Variants in DRC8 observed in about 807,000 individuals in gnomAD.
The protein encoded by DRC8 is dynein regulatory complex protein 8.
the DRC8 span, among the ~76,000 whole-genome samples, chr1:245,094,591 C>T: frequency 2.6e-5 from 4 of 152,168 alleles, no homozygotes; most frequent in Admixed American, 2.6e-4. Context: ...AACTCTAACA[C>T]AGAACATAAA....
the DRC8 span, among the ~76,000 whole-genome samples, chr1:245,000,659 TAGTC>T: frequency 2.6e-5 from 4 of 152,048 alleles, no homozygotes; most frequent in Non-Finnish European, 5.9e-5. Flanking sequence ...CAGGTGTCTA[TAGTC>T]CCAGCTACTC....
At chr1:245,076,687 C>G in the DRC8 span, among the ~76,000 whole-genome samples, 1 of 151,782 alleles carries the variant, frequency 6.6e-6, no homozygotes, top group Non-Finnish European at 1.5e-5. Context: ...CCAATTGCAC[C>G]ATTTTTTCTG....
At chr1:244,989,146 C>T in the DRC8 span, among the ~76,000 whole-genome samples, 3,314 of 152,162 alleles carry the variant, frequency 0.022, 138 homozygotes, top group African/African-American at 0.076. Context: ...CCAGGCTGGT[C>T]TTGAATTCCT....
At chr1:245,049,522 T>C in the DRC8 span, among the ~76,000 whole-genome samples, 1 of 152,324 alleles carries the variant, frequency 6.6e-6, no homozygotes, top group Non-Finnish European at 1.5e-5. This position sits in a 1 kb window ranked among gnomAD's most constrained non-coding sequence, Gnocchi z 4.5. Flanking sequence ...ACAGAGTTCA[T>C]ACTGTACTCA....
the DRC8 span, among the ~76,000 whole-genome samples, chr1:245,103,651 C>A: frequency 6.7e-6 from 1 of 148,480 alleles, no homozygotes; most frequent in Non-Finnish European, 1.5e-5. Context: ...ACCAGAGAGG[C>A]CAAGCATTGT....
the DRC8 span, among the ~76,000 whole-genome samples, chr1:244,972,862 C>T: frequency 1.3e-5 from 2 of 151,742 alleles, no homozygotes; most frequent in Non-Finnish European, 2.9e-5. Context: ...GAGAAGCACT[C>T]ATGTGCTGTA....
chr1:245,082,963 C>A, the DRC8 span, among the ~76,000 whole-genome samples: 1 of 152,162 alleles, frequency 6.6e-6, no homozygotes, highest in African/African-American at 2.4e-5. Flanking sequence ...CCCACCTCAG[C>A]CTCCCAAAGT....
chr1:245,051,902 G>A, the DRC8 span, among the ~76,000 whole-genome samples: 30 of 110,178 alleles, frequency 2.7e-4, no homozygotes, highest in South Asian at 9.4e-3. Flanking sequence ...CTACGAGCAC[G>A]AGGCAAGAGC....
At chr1:245,111,419 A>C in the DRC8 span, among the ~76,000 whole-genome samples, 1 of 152,216 alleles carries the variant, frequency 6.6e-6, no homozygotes, top group South Asian at 2.1e-4. Flanking sequence ...TTCCAAAGTC[A>C]TTTGCAGAAT....
At chr1:245,121,893 TTC>T in the DRC8 span, 1 of 408,970 alleles carries the variant, frequency 2.4e-6, no homozygotes, top group African/African-American at 2.5e-5. Flanking sequence ...CTTTTCTTTT[TTC>T]TTATTTTATT....
chr1:245,100,790 A>AAATAAT, the DRC8 span, among the ~76,000 whole-genome samples: 83 of 150,632 alleles, frequency 5.5e-4, no homozygotes, highest in East Asian at 3.3e-3. Flanking sequence ...TCAACAAAAT[A>AAATAAT]AATAATAATA....
the DRC8 span, chr1:245,083,566 T>G: frequency 6.3e-7 from 1 of 1,587,246 alleles, no homozygotes. Flanking sequence ...AAATTTATCA[T>G]GTAGAACTTA....
the DRC8 span, among the ~76,000 whole-genome samples, chr1:244,982,074 G>C: frequency 1.3e-5 from 2 of 152,284 alleles, no homozygotes; most frequent in East Asian, 3.9e-4. Flanking sequence ...GCAGCTGGAA[G>C]ACCTACAAGG....
At chr1:245,098,331 T>C in the DRC8 span, among the ~76,000 whole-genome samples, 4 of 151,990 alleles carry the variant, frequency 2.6e-5, no homozygotes, top group African/African-American at 9.7e-5. Flanking sequence ...GAGTGGTCAG[T>C]GCACCGAAGA....
At chr1:245,044,011 T>C in the DRC8 span, 27 of 152,324 alleles carry the variant, frequency 1.8e-4, no homozygotes, top group African/African-American at 6.5e-4. Flanking sequence ...GCACACACAT[T>C]TGTGAAGCGT....
chr1:244,993,621 C>G, the DRC8 span, among the ~76,000 whole-genome samples: 1 of 152,140 alleles, frequency 6.6e-6, no homozygotes, highest in Non-Finnish European at 1.5e-5. Context: ...AACAGGATAC[C>G]ACAGACTAGG....
the DRC8 span, among the ~76,000 whole-genome samples, chr1:245,048,202 T>A: frequency 6.6e-6 from 1 of 152,266 alleles, no homozygotes; most frequent in Non-Finnish European, 1.5e-5. Context: ...TGTGCCTTTC[T>A]TTTACCTGCA....
At chr1:245,101,195 G>A in the DRC8 span, among the ~76,000 whole-genome samples, 18 of 152,268 alleles carry the variant, frequency 1.2e-4, no homozygotes, top group Non-Finnish European at 1.8e-4. Context: ...TGGCTAACAT[G>A]TTTTTAAAGT....
chr1:245,082,725 A>G, the DRC8 span, among the ~76,000 whole-genome samples: 1 of 149,104 alleles, frequency 6.7e-6, no homozygotes, highest in African/African-American at 2.5e-5. Flanking sequence ...TATTTTTGAG[A>G]TGGACTTTCG....
Sources: gnomAD v4.1 joint callset for allele counts (sites outside exome capture counted in the v4.1 genomes callset) on GRCh38, gnomAD v4.1.1 for gene constraint, Gnocchi (gnomAD v3.1) non-coding constraint, MANE v1.5 for transcripts, NCBI Gene and HGNC (gene_info 2026-07-23, HGNC 2026-07-21) for gene names.